Variants in EXOC3L4 observed in about 807,000 individuals in gnomAD.
EXOC3L4 encodes exocyst complex component 3 like 4.
A neutral mutation model predicts 69.7 loss-of-function variants in EXOC3L4; 62 were observed. The observed-to-expected ratio is 0.89, with a 90% CI of 0.72 to 1.10. The LOEUF (loss-of-function observed/expected upper bound fraction) is 1.10, where lower values mean the gene tolerates loss of function less well. Among genes scored for constraint, EXOC3L4 ranks in the 50% least tolerant of loss-of-function variants. EXOC3L4 has a pLI of 0.00. For synonymous variants in EXOC3L4, 502 were observed against 464.2 expected, an observed-to-expected ratio of 1.08 and a Z score of -1.05; for missense variants, 1,087 against 1,034.8, an observed-to-expected ratio of 1.05 and a Z score of -0.69.
At position 103,102,523 on chromosome 14, in the gene EXOC3L4, G is replaced by T; in HGVS notation, c.800G>T (p.Gly267Val). Residue 267 changes from glycine to valine, a missense_variant, in exon 3 of 12, where the codon GGG becomes GTG. By Grantham distance (109) the Gly-to-Val change is moderately radical. Transcript: ENST00000688303. ...CGGCCGGGCGCGGGGTGGGCCTTCG[G>T]GGAGGCGGAGGGCGCGTCGGGTTTG... is the stretch of plus-strand genomic sequence containing the variant. Reference protein sequence around the residue: ...VRRPGAGWAFGEAEGASGLAQ... With the variant: ...VRRPGAGWAFVEAEGASGLAQ... 4 of 1,397,042 alleles carry T rather than the reference G, an allele frequency of 2.9e-6. No homozygotes were observed. Among genetic ancestry groups the T allele is most frequent in the Non-Finnish European group, 3.7e-6 (4 of 1,080,270 alleles). The allele number at this position is 1,397,042 out of a possible 1,614,324, so 86.5% of individuals were successfully genotyped here.
intron 11 of EXOC3L4, 36 bp from the exon 12 acceptor site, chr14:103,109,995 T>G (rs1595260450): frequency 6.5e-7 from 1 of 1,543,938 alleles, no homozygotes; most frequent in Non-Finnish European, 8.7e-7. Context: ...GTTGCGGAGG[T>G]GTAGGTCTGC....
In EXOC3L4 at chr14:103,104,013, G is replaced by C. The variant is rs1174383564; in HGVS notation, c.1122G>C (p.Val374=). The C allele has an allele frequency of 1.9e-6, 3 of 1,578,498 alleles. No homozygotes were observed. Among genetic ancestry groups the C allele is most frequent in the Non-Finnish European group, 2.6e-6 (3 of 1,167,118 alleles). The change falls in exon 4 of 12, where the codon GTG becomes GTC. Residue 374 remains valine (V), a synonymous_variant. Transcript: ENST00000688303. ...TGCCTCCGCTCCTGGCGCCGGACGT[G>C]TGGGCCCGACTGGAGAGCGACTACA... ...EPLPPLLAPD[V]WARLESDYTS... is the part of the protein sequence containing the mutation.
Position 103,106,842 on chromosome 14 carries a change from G to A in EXOC3L4, c.1524G>A (p.Val508=). The stretch of plus-strand genomic sequence containing the variant: ...AAGAGGAGCTGGAGAAGCCCCTGGT[G>A]ACGGCCACCTGCAGCTTCCAGAAGC... ...GTQEELEKPL[V]TATCSFQKHL... The change falls in exon 8 of 12, where the codon GTG becomes GTA. Residue 508 remains valine, a synonymous_variant. Transcript: ENST00000688303. The A allele has an allele frequency of 6.3e-7, 1 of 1,596,032 alleles. No homozygotes were observed. The highest frequency in any genetic ancestry group is 8.5e-7 in the Non-Finnish European group (1 of 1,170,604).
At chr14:103,096,398 A>ATTATTTTTTTTTTT (rs1440659126) in intron 1 of EXOC3L4, among the ~76,000 whole-genome samples, 1 of 68,516 alleles carries the variant, frequency 1.5e-5, no homozygotes, top group African/African-American at 5.2e-5. Context: ...TTTTGGCAAG[A>ATTATTTTTTTTTTT]TTCTTTTTTT....
chr14:103,103,779 A>C, intron 3 of EXOC3L4, 162 bp from the exon 4 acceptor site: 1 of 503,166 alleles, frequency 2.0e-6, no homozygotes. Flanking sequence ...GTGGCATGGC[A>C]GCCTAGAGGC....
rs779798065 is a variant in EXOC3L4 at position 103,110,230 on chromosome 14, C to T, written c.*7C>T. The T allele has an allele frequency of 2.0e-6, 3 of 1,501,164 alleles. No individual in the cohort carries two copies. The highest frequency in any genetic ancestry group is 2.6e-5 in the South Asian group (2 of 77,044). The allele number at this position is 1,501,164 out of a possible 1,614,324, so 93.0% of individuals were successfully genotyped here. A position where few individuals can be genotyped will look rare whatever the true frequency, so the allele number is the denominator to read the frequency against. On this transcript the variant is annotated 3_prime_UTR_variant, in exon 12 of 12. Coordinates refer to ENST00000688303, the MANE Select transcript of EXOC3L4 (RefSeq NM_001077594.2). ...GCTGATCACCTGCGTCTAGTTCTCTCTGGCTCGAGGGGGGGCCGGCCGCTG... is the reference window on the plus strand; with the variant it reads ...GCTGATCACCTGCGTCTAGTTCTCTTTGGCTCGAGGGGGGGCCGGCCGCTG...
chr14:103,102,602 G>A lies in EXOC3L4; in HGVS notation c.879G>A (p.Val293=). Residue 293 remains valine, a synonymous_variant, in exon 3 of 12, where the codon GTG becomes GTA. Coordinates refer to ENST00000688303, the MANE Select transcript of EXOC3L4 (RefSeq NM_001077594.2). The part of the protein sequence containing the change: ...GGLVRRDLQK[V]RQEVQPAYAA... ...TGGTTCGCCGCGACCTGCAGAAGGT[G>A]CGGCAGGAGGTGCAGCCCGCGTATG... 1 of 1,491,846 alleles carries A rather than the reference G, an allele frequency of 6.7e-7. No individual in the cohort carries two copies. The highest frequency in any genetic ancestry group is 8.9e-7 in the Non-Finnish European group (1 of 1,125,684). The allele number at this position is 1,491,846 out of a possible 1,614,324, so 92.4% of individuals were successfully genotyped here.
In EXOC3L4 at chr14:103,097,144, G is replaced by A. The variant is rs1235320852; in HGVS notation, c.-17+2304G>A. On this transcript the variant is annotated intron_variant, in intron 1 of 11. Transcript: ENST00000688303. The surrounding 1 kb of genome is among the most constrained non-coding windows in gnomAD (Gnocchi z 4.9). ...GCTGAGGCTGGGGGTAGGGAGGGTG[G>A]GGAAGTTCGGACTTGACTTCTCGGA... is the stretch of plus-strand genomic sequence containing the variant. Among the ~76,000 whole-genome samples, 1 of 151,334 alleles carries A rather than the reference G, an allele frequency of 6.6e-6. No individual in the cohort carries two copies. Among genetic ancestry groups the A allele is most frequent in the African/African-American group, 2.4e-5 (1 of 41,256 alleles).
rs775120339 is a variant in EXOC3L4, at chr14:103,103,793, C to CGTGTGTGT, written c.1050-147_1050-146insTGTGTGTG. On this transcript the variant is annotated intron_variant, in intron 3 of 11. Transcript: ENST00000688303. ...TGTGGCATGGCAGCCTAGAGGCGCGCGCGCGTGTGTGTGTGTGTGTGTGTG... is the reference window on the plus strand; with the variant it reads ...TGTGGCATGGCAGCCTAGAGGCGCGCGTGTGTGTGCGCGTGTGTGTGTGTGTGTGTGTG... 4.3e-3 allele frequency: 1,949 copies of CGTGTGTGT among 453,492 alleles called. 5 individuals are homozygous for CGTGTGTGT. The highest frequency in any genetic ancestry group is 8.1e-3 in the East Asian group (186 of 22,906). 28.1% of individuals were successfully genotyped at this position (453,492 alleles called of 1,614,324 possible).
rs1264357861 is a variant in EXOC3L4, at chr14:103,107,461, C to G, written c.1619C>G (p.Thr540Arg). The G allele has an allele frequency of 6.2e-7, 1 of 1,613,956 alleles. No homozygotes were observed. Among genetic ancestry groups the G allele is most frequent in the Non-Finnish European group, 8.5e-7 (1 of 1,180,008 alleles). Reference protein sequence around the residue: ...FRVVCTRDWLTQDWLHPLMDK... With the variant: ...FRVVCTRDWLRQDWLHPLMDK... ...GTTGTGTGCACCAGGGACTGGCTGA[C>G]GCAGGACTGGCTGCATCCCCTCATG... The change falls in exon 9 of 12, where the codon ACG (threonine) becomes AGG (arginine). Residue 540 changes from threonine to arginine, a missense_variant. Coordinates refer to ENST00000688303, the MANE Select transcript of EXOC3L4 (RefSeq NM_001077594.2).
In EXOC3L4 at chr14:103,105,036, ACCTGGGCGCCTACATCAACGCCTGCG is replaced by A; in HGVS notation, c.1431_1456del (p.His477GlnfsTer40). The A allele has an allele frequency of 6.2e-7, 1 of 1,612,154 alleles. No individual in the cohort carries two copies. The highest frequency in any genetic ancestry group is 1.1e-5 in the South Asian group (1 of 90,994). ...GCGTCGGAGGCGGTGAGCGAGCCGC[ACCTGGGCGCCTACATCAACGCCTGCG>A]AGGAGCTCAGGTAGGGCTCGCCCGC... is the stretch of plus-strand genomic sequence containing the variant. On this transcript the variant is annotated frameshift_variant, in exon 7 of 12. Coordinates refer to ENST00000688303, the MANE Select transcript of EXOC3L4 (RefSeq NM_001077594.2). LOFTEE classifies it high-confidence loss of function.
At position 103,108,460 on chromosome 14, in the gene EXOC3L4, A is replaced by G; in HGVS notation, c.1919A>G (p.Tyr640Cys). Residue 640 changes from tyrosine (Y) to cysteine (C), a missense_variant, in exon 11 of 12, where the codon TAC becomes TGC. Transcript: ENST00000688303. ...QCVAEILGET[Y>C]KDDIQRHLET... The stretch of plus-strand genomic sequence containing the variant: ...GTGGCTGAGATCCTGGGCGAGACCT[A>G]CAAAGATGACATCCAGCGGCACCTG... The G allele has an allele frequency of 6.2e-7, 1 of 1,613,970 alleles. No individual in the cohort carries two copies. Among genetic ancestry groups the G allele is most frequent in the Non-Finnish European group, 8.5e-7 (1 of 1,179,894 alleles).
chr14:103,110,461 T>G lies in EXOC3L4; in HGVS notation c.*238T>G. 19 of 564,330 alleles carry G rather than the reference T, an allele frequency of 3.4e-5. No homozygotes were observed. Among genetic ancestry groups the G allele is most frequent in the African/African-American group, 4.6e-5 (1 of 21,614 alleles). 35.0% of individuals were successfully genotyped at this position (564,330 alleles called of 1,614,324 possible). A position where few individuals can be genotyped will look rare whatever the true frequency, so the allele number is the denominator to read the frequency against. On this transcript the variant is annotated 3_prime_UTR_variant, in exon 12 of 12. Transcript: ENST00000688303. ...GCCGCAGAGCTCTCAATGCTGCCTATCGGGCGGGGGGGGGCCTCCCGCCCG... is the reference window on the plus strand; with the variant it reads ...GCCGCAGAGCTCTCAATGCTGCCTAGCGGGCGGGGGGGGGCCTCCCGCCCG...
intron 1 of EXOC3L4, among the ~76,000 whole-genome samples, chr14:103,099,627 G>C (rs1890063965): frequency 6.6e-6 from 1 of 152,214 alleles, no homozygotes; most frequent in South Asian, 2.1e-4. Flanking sequence ...TCCTCGGCGG[G>C]CTCTGTGACA....
At chr14:103,099,530 C>G (rs1890057252) in intron 1 of EXOC3L4, among the ~76,000 whole-genome samples, 1 of 152,194 alleles carries the variant, frequency 6.6e-6, no homozygotes, top group Non-Finnish European at 1.5e-5. Context: ...AATATAGACC[C>G]GAGGCTCCTC....
In EXOC3L4 at chr14:103,107,519, G is replaced by C. The variant is rs758693316; in HGVS notation, c.1677G>C (p.Gln559His). The change falls in exon 9 of 12, where the codon CAG becomes CAC. Residue 559 changes from glutamine to histidine, a missense_variant. Coordinates refer to ENST00000688303, the MANE Select transcript of EXOC3L4 (RefSeq NM_001077594.2). ...DKVVTFAGHL[Q>H]RVARPRAQET... The stretch of plus-strand genomic sequence containing the variant: ...TGGTGACCTTCGCCGGTCATCTCCA[G>C]CGTGTGGCCCGGCCGCGGGCACAGG... 3 of 1,613,776 alleles carry C rather than the reference G, an allele frequency of 1.9e-6. No individual in the cohort carries two copies. The highest frequency in any genetic ancestry group is 2.5e-6 in the Non-Finnish European group (3 of 1,180,038).
At position 103,102,836 on chromosome 14, in the gene EXOC3L4, A is replaced by T. The variant is rs187685838; in HGVS notation, c.1049+64A>T. On this transcript the variant is annotated intron_variant, in intron 3 of 11. Coordinates refer to ENST00000688303, the MANE Select transcript of EXOC3L4 (RefSeq NM_001077594.2). ...GCCGCTTCCTCCGCAGGCCTTGGGG[A>T]GCCGGCTTTGAGGAGCACCGGACCT... 54 of 1,308,032 alleles carry T rather than the reference A, an allele frequency of 4.1e-5. 1 individual carries two copies. In the African/African-American group the frequency reaches 7.0e-4, roughly 17 times the overall value. The allele number at this position is 1,308,032 out of a possible 1,614,324, so 81.0% of individuals were successfully genotyped here.
chr14:103,104,544 C>G, intron 5 of EXOC3L4, 155 bp downstream of exon 5: 1 of 1,320,696 alleles, frequency 7.6e-7, no homozygotes, highest in Non-Finnish European at 9.9e-7. Flanking sequence ...GGACCCCCGG[C>G]GCGCCGACGG....
At position 103,102,425 on chromosome 14, in the gene EXOC3L4, C is replaced by A; in HGVS notation, c.702C>A (p.Phe234Leu). The A allele has an allele frequency of 6.6e-7, 1 of 1,520,308 alleles. No homozygotes were observed. Among genetic ancestry groups the A allele is most frequent in the South Asian group, 1.2e-5 (1 of 82,102 alleles). The allele number at this position is 1,520,308 out of a possible 1,614,324, so 94.2% of individuals were successfully genotyped here. A position where few individuals can be genotyped will look rare whatever the true frequency, so the allele number is the denominator to read the frequency against. ...AHPSPPDDGD[F>L]LRTPRRWRQH... The stretch of plus-strand genomic sequence containing the variant: ...CTTCTCCCCCCGACGACGGCGACTT[C>A]CTGCGCACGCCGCGCCGCTGGCGCC... The change falls in exon 3 of 12, where the codon TTC becomes TTA. Residue 234 changes from phenylalanine to leucine, a missense_variant. By Grantham distance (22) the Phe-to-Leu change is conservative (BLOSUM62 0). Coordinates refer to ENST00000688303, the MANE Select transcript of EXOC3L4 (RefSeq NM_001077594.2).
Sources: allele counts gnomAD v4.1 joint callset (sites outside exome capture counted in the v4.1 genomes callset), GRCh38; gene constraint gnomAD v4.1.1; non-coding constraint Gnocchi (gnomAD v3.1); transcripts MANE v1.5; gene names NCBI Gene and HGNC (gene_info 2026-07-23, HGNC 2026-07-21).